Variants in CHD8 observed in about 807,000 individuals in gnomAD.
The protein encoded by CHD8 is chromodomain helicase DNA binding protein 8.
A neutral mutation model predicts 279.2 loss-of-function variants in CHD8; 31 were observed. The observed-to-expected ratio is 0.11, with a 90% CI of 0.08 to 0.15. The LOEUF is 0.15. Among genes scored for constraint, CHD8 ranks in the 10% least tolerant of loss-of-function variants. The pLI is 1.00. For synonymous variants in CHD8, 1,081 were observed against 1,139.6 expected (o/e 0.95, Z 1.04); for missense variants, 2,146 against 3,230.5 (o/e 0.66, Z 8.14).
At chr14:21,414,828 T>C in intron 8 of CHD8, 110 bp downstream of exon 8, 1 of 764,672 alleles carries the variant, frequency 1.3e-6, no homozygotes, top group South Asian at 1.6e-5. Flanking sequence ...AACAGCAACC[T>C]GGGCTACAAG....
At chr14:21,447,718 T>C (rs1352731750) in intron 1 of CHD8, among the ~76,000 whole-genome samples, 1 of 152,044 alleles carries the variant, frequency 6.6e-6, no homozygotes, top group Admixed American at 6.6e-5. Context: ...ATGGATTCTT[T>C]TTTTTTTTCT....
At chr14:21,395,468 ACT>A in intron 28 of CHD8, 116 bp from the exon 29 acceptor site, 1 of 695,918 alleles carries the variant, frequency 1.4e-6, no homozygotes, top group Non-Finnish European at 2.5e-6. Flanking sequence ...ATCAAGAAAA[ACT>A]TCTAAAGAAA....
At chr14:21,434,372 C>T (rs1172461458) in intron 1 of CHD8, among the ~76,000 whole-genome samples, 1 of 152,168 alleles carries the variant, frequency 6.6e-6, no homozygotes, top group Non-Finnish European at 1.5e-5. Flanking sequence ...GTTTACGTTG[C>T]AAATAGTTTA....
intron 33 of CHD8, 128 bp from the exon 34 acceptor site, chr14:21,392,937 A>C (rs1344568216): frequency 8.3e-7 from 1 of 1,210,202 alleles, no homozygotes; most frequent in South Asian, 1.5e-5. Context: ...GGAAGTTAAT[A>C]CTATTAAGAT....
chr14:21,419,212 T>A (rs946749542), intron 5 of CHD8, among the ~76,000 whole-genome samples: 15 of 151,208 alleles, frequency 9.9e-5, no homozygotes, highest in Non-Finnish European at 1.5e-4. Context: ...ATGACCTTTT[T>A]AAAAAAAAAA....
chr14:21,430,733 C>A, intron 2 of CHD8, 68 bp downstream of exon 2: 1 of 952,286 alleles, frequency 1.1e-6, no homozygotes, highest in Non-Finnish European at 1.5e-6. Context: ...CTCATGTGCT[C>A]ACTCTCTCAA....
chr14:21,386,240 C>A, intron 37 of CHD8, 64 bp from the exon 38 acceptor site: 1 of 1,422,098 alleles, frequency 7.0e-7, no homozygotes, highest in Non-Finnish European at 9.5e-7. Flanking sequence ...GAAACCAAAG[C>A]CAACAGAGTC....
chr14:21,409,799 A>C, intron 11 of CHD8, 52 bp downstream of exon 11: 1 of 1,528,316 alleles, frequency 6.5e-7, no homozygotes, highest in Non-Finnish European at 8.8e-7. Context: ...TAGGGGAAAA[A>C]ATTTAATCAT....
intron 5 of CHD8, among the ~76,000 whole-genome samples, chr14:21,420,632 G>C (rs998173109): frequency 2.0e-5 from 3 of 152,214 alleles, no homozygotes; most frequent in Non-Finnish European, 2.9e-5. Context: ...ACACACAGTA[G>C]AGAAGAGTAG....
At chr14:21,437,058 A>AGG in intron 1 of CHD8, 3 of 117,420 alleles carry the variant, frequency 2.6e-5, no homozygotes, top group Admixed American at 1.9e-4. Context: ...AGACGGGAAG[A>AGG]TGCGGGGGGT....
At chr14:21,406,341 A>G (rs1162020923) in intron 14 of CHD8, among the ~76,000 whole-genome samples, 2 of 152,198 alleles carry the variant, frequency 1.3e-5, no homozygotes, top group Admixed American at 6.5e-5. Flanking sequence ...TTCAGAGCCT[A>G]TCTCAAAGGT....
Position 21,395,002 on chromosome 14 carries a change from A to G in CHD8, c.5300T>C (p.Ile1767Thr), listed in dbSNP as rs903333944. Reference protein sequence around the residue: ...QRSYKREQMKIEAAERGDRRR... With the variant: ...QRSYKREQMKTEAAERGDRRR... ...CCGGTCCCCACGTTCTGCAGCCTCTATCTTCATTTGTTCTCTCTTGTAGCT... is the reference window on the plus strand; with the variant it reads ...CCGGTCCCCACGTTCTGCAGCCTCTGTCTTCATTTGTTCTCTCTTGTAGCT... Residue 1767 changes from isoleucine to threonine, a missense_variant, in exon 30 of 38, where the codon ATA becomes ACA. Physicochemically the swap from Ile to Thr is moderately conservative, Grantham distance 89 (BLOSUM62 -1). Coordinates refer to ENST00000646647, the MANE Select transcript of CHD8 (RefSeq NM_001170629.2). 3 of 1,613,960 alleles carry G rather than the reference A, an allele frequency of 1.9e-6. No individual in the cohort carries two copies. Among genetic ancestry groups the G allele is most frequent in the Non-Finnish European group, 2.5e-6 (3 of 1,179,876 alleles).
intron 37 of CHD8, 49 bp from the exon 38 acceptor site, chr14:21,386,225 G>C: frequency 6.7e-7 from 1 of 1,497,562 alleles, no homozygotes; most frequent in Non-Finnish European, 9.0e-7. Context: ...GGGGAAAAAA[G>C]AAAAGAAACC....
At chr14:21,415,988 T>C (rs1300091458) in intron 5 of CHD8, 81 bp from the exon 6 acceptor site, 2 of 1,180,550 alleles carry the variant, frequency 1.7e-6, no homozygotes, top group African/African-American at 3.1e-5. Flanking sequence ...CATGGTCATA[T>C]ACTTAGATTC....
In CHD8 at chr14:21,430,956, C is replaced by A; in HGVS notation, c.688G>T (p.Gly230Trp). The A allele has an allele frequency of 1.2e-5, 19 of 1,599,554 alleles. No homozygotes were observed. Among genetic ancestry groups the A allele is most frequent in the Non-Finnish European group, 1.4e-5 (17 of 1,179,802 alleles). ...ATGCGCTGAACAGCAGCCTGGTTCC[C>A]AGGGACCTTGGCGGCCAACACTGTA... ...GNTVLAAKVPGNQAAVQRIVQ... is the reference protein window; with the variant it reads ...GNTVLAAKVPWNQAAVQRIVQ... The change falls in exon 2 of 38, where the codon GGG becomes TGG. Residue 230 changes from glycine (G) to tryptophan (W), a missense_variant. Gly to Trp is a radical substitution (Grantham distance 184, BLOSUM62 -2). This residue lies in a region of CHD8 where 302 missense variants were observed against 325.5 expected (regional missense o/e 0.93). Transcript: ENST00000646647.
At chr14:21,395,546 G>A in intron 28 of CHD8, 194 bp from the exon 29 acceptor site, 1 of 602,644 alleles carries the variant, frequency 1.7e-6, no homozygotes, top group Non-Finnish European at 2.9e-6. Flanking sequence ...TGAAAGGTCA[G>A]TTCCTATTAA....
At position 21,417,865 on chromosome 14, in the gene CHD8, A is replaced by AATAT. The variant is rs61023144; in HGVS notation, c.1717-1962_1717-1959dup. Among the ~76,000 whole-genome samples, 48 of 98,362 alleles carry AATAT rather than the reference A, an allele frequency of 4.9e-4. 1 individual carries two copies. The highest frequency in any genetic ancestry group is 1.7e-3 in the African/African-American group (47 of 28,080). 64.5% of individuals were successfully genotyped at this position (98,362 alleles called of 152,430 possible). Reference sequence around the variant, plus strand: ...TGAGACTCTCTCAAAAAAAAAAAAAAATATATATATATATATAATATATAT... The same window carrying AATAT: ...TGAGACTCTCTCAAAAAAAAAAAAAAATATATATATATATATATATAATATATAT... On this transcript the variant is annotated intron_variant, in intron 5 of 37. Coordinates refer to ENST00000646647, the MANE Select transcript of CHD8 (RefSeq NM_001170629.2).
Position 21,385,770 on chromosome 14 carries a change from C to A in CHD8, c.7589G>T (p.Arg2530Leu). 1 of 1,549,080 alleles carries A rather than the reference C, an allele frequency of 6.5e-7. No homozygotes were observed. Among genetic ancestry groups the A allele is most frequent in the Non-Finnish European group, 8.7e-7 (1 of 1,146,594 alleles). The change falls in exon 38 of 38, where the codon CGG (arginine) becomes CTG (leucine). Residue 2530 changes from arginine to leucine, a missense_variant. By Grantham distance (102) the Arg-to-Leu change is moderately radical (BLOSUM62 -2). This residue lies in a region of CHD8 where 336 missense variants were observed against 392.9 expected (regional missense o/e 0.86). Transcript: ENST00000646647. ...CTCCTCAGGTTGCAGTGGTGGCAAC[C>A]GCAAGGTAGTACCAGAGGCGGTAGT... Reference protein sequence around the residue: ...PVTTASGTTLRLPPLQPEEDD... With the variant: ...PVTTASGTTLLLPPLQPEEDD...
chr14:21,415,259 C>A, intron 7 of CHD8: 1 of 446,450 alleles, frequency 2.2e-6, no homozygotes, highest in Non-Finnish European at 3.9e-6. Flanking sequence ...TCATCTCTCA[C>A]AACTACACCT....
Sources: allele counts gnomAD v4.1 joint callset (sites outside exome capture counted in the v4.1 genomes callset), GRCh38; gene constraint gnomAD v4.1.1; regional missense constraint gnomAD v4.1.1; transcripts MANE v1.5; gene names NCBI Gene and HGNC (gene_info 2026-07-23, HGNC 2026-07-21).